NPHS1: variants seen among roughly 807,000 people sequenced by gnomAD.
The protein encoded by NPHS1 is NPHS1 adhesion molecule, nephrin, also known as nephrin.
NPHS1 carries 107 observed loss-of-function variants against 139.7 expected under a neutral mutation model. That is an observed-to-expected ratio of 0.77 (90% CI 0.66 to 0.90). The LOEUF is 0.90. NPHS1 is among the 40% of genes least tolerant of loss of function. The pLI is 0.00. For missense variants in NPHS1, 1,580 were observed against 1,654.2 expected, an observed-to-expected ratio of 0.96 and a Z score of 0.78; for synonymous variants, 707 against 706.6, an observed-to-expected ratio of 1.00 and a Z score of -0.01.
chr19:35,848,294 G>A lies in NPHS1; in HGVS notation c.1274C>T (p.Thr425Ile), dbSNP rs1195657072. 2.2e-5 allele frequency: 35 copies of A among 1,614,018 alleles called. No homozygotes were observed. The Admixed American group carries it at 3.8e-4, about 18-fold the overall frequency. ...LTCEAFSEAFTKETFKKSLIL... is the reference protein window; with the variant it reads ...LTCEAFSEAFIKETFKKSLIL... ...GAGCGACTTCTTGAAGGTCTCCTTG[G>A]TGAAGGCTTCACTGAAGGCCTCACA... The change falls in exon 10 of 29, where the codon ACC (threonine) becomes ATC (isoleucine). Residue 425 changes from threonine to isoleucine, a missense_variant. Thr to Ile is a moderately conservative substitution (Grantham distance 89, BLOSUM62 -1). Coordinates refer to ENST00000378910, the MANE Select transcript of NPHS1 (RefSeq NM_004646.4).
At chr19:35,849,427 C>T in intron 6 of NPHS1, 64 bp from the exon 7 acceptor site, 1 of 1,600,326 alleles carries the variant, frequency 6.2e-7, no homozygotes, top group Admixed American at 1.7e-5. Flanking sequence ...GGCCCCACAA[C>T]CTGCCTTTGA....
chr19:35,851,838 C>T lies in NPHS1; in HGVS notation c.-1G>A, dbSNP rs1973273694. 2 of 1,551,132 alleles carry T rather than the reference C, an allele frequency of 1.3e-6. No individual in the cohort carries two copies. The highest frequency in any genetic ancestry group is 8.7e-7 in the Non-Finnish European group (1 of 1,147,098). Reference sequence around the variant, plus strand: ...CCCTGAGCGTCGTCCCCAGGGCCATCACAGGTCCCCCTACTGTGACCCCCA... The same window carrying T: ...CCCTGAGCGTCGTCCCCAGGGCCATTACAGGTCCCCCTACTGTGACCCCCA... On this transcript the variant is annotated 5_prime_UTR_variant, in exon 1 of 29. Coordinates refer to ENST00000378910, the MANE Select transcript of NPHS1 (RefSeq NM_004646.4).
In NPHS1 at chr19:35,826,468, G is replaced by T. The variant is rs200663197; in HGVS notation, c.*46C>A. On this transcript the variant is annotated 3_prime_UTR_variant, in exon 29 of 29. Coordinates refer to ENST00000378910, the MANE Select transcript of NPHS1 (RefSeq NM_004646.4). ...CAGGCTGTAATGAGAGAGACCAGTGGAGTGTAAATTCCTGCAGGTGCAGGA... is the reference window on the plus strand; with the variant it reads ...CAGGCTGTAATGAGAGAGACCAGTGTAGTGTAAATTCCTGCAGGTGCAGGA... 6 of 1,609,832 alleles carry T rather than the reference G, an allele frequency of 3.7e-6. No homozygotes were observed. The African/African-American group carries it at 8.0e-5, about 21-fold the overall frequency.
Position 35,851,390 on chromosome 19 carries a change from G to A in NPHS1, c.275-6C>T, listed in dbSNP as rs766998264. ...GATGTGCAGGTGGAATTCACCTGCA[G>A]GGGGAGCCGGAAGTCAGGGCCGCAG... On this transcript the variant is annotated splice_polypyrimidine_tract_variant and splice_region_variant and intron_variant, in intron 2 of 28. Transcript: ENST00000378910. 12 of 1,612,702 alleles carry A rather than the reference G, an allele frequency of 7.4e-6. No homozygotes were observed. Among genetic ancestry groups the A allele is most frequent in the Non-Finnish European group, 1.0e-5 (12 of 1,179,612 alleles).
intron 11 of NPHS1, 99 bp from the exon 12 acceptor site, chr19:35,846,293 A>C: frequency 7.8e-7 from 1 of 1,277,464 alleles, no homozygotes; most frequent in Non-Finnish European, 1.1e-6. Flanking sequence ...CGCCAGCCCA[A>C]ACAAAGCCTT....
rs775623457 is a variant in NPHS1 at position 35,839,430 on chromosome 19, G to A, written c.2928-12C>T. 6.2e-7 allele frequency: 1 copy of A among 1,613,914 alleles called. No individual in the cohort carries two copies. The highest frequency in any genetic ancestry group is 1.3e-5 in the African/African-American group (1 of 74,894). On this transcript the variant is annotated splice_polypyrimidine_tract_variant and intron_variant, in intron 21 of 28. Transcript: ENST00000378910. ...CCAGGGCCTCATACCTGCAGGACAG[G>A]GGGATAGTAAATTCAGGGAAGTGCC...
Position 35,845,386 on chromosome 19 carries a change from A to G in NPHS1, c.1912T>C (p.Tyr638His). 6.2e-7 allele frequency: 1 copy of G among 1,614,276 alleles called. No homozygotes were observed. Among genetic ancestry groups the G allele is most frequent in the Non-Finnish European group, 8.5e-7 (1 of 1,180,052 alleles). Residue 638 changes from tyrosine (Y) to histidine (H), a missense_variant, in exon 14 of 29, where the codon TAT (tyrosine) becomes CAT (histidine). Coordinates refer to ENST00000378910, the MANE Select transcript of NPHS1 (RefSeq NM_004646.4). This position sits in a 1 kb window ranked among gnomAD's most constrained non-coding sequence, Gnocchi z 5.5. ...AELRETVSSF[Y>H]RLNVLYRPEF... ...CACATACACAGTACGTTGAGGCGAT[A>G]GAAGGAGCTCACGGTTTCGCGGAGC...
At chr19:35,832,421 A>G (rs1056199904) in intron 23 of NPHS1, among the ~76,000 whole-genome samples, 1 of 152,082 alleles carries the variant, frequency 6.6e-6, no homozygotes, top group Non-Finnish European at 1.5e-5. Context: ...GTGCATGTCT[A>G]TAGTCCCAGC....
chr19:35,826,576 C>T lies in NPHS1; in HGVS notation c.3664G>A (p.Gly1222Arg), dbSNP rs146847658. ...TCGGGTTCCAGAGTGTCCAAGTCTC[C>T]GGCCACCTGGTCATAGATTCCTCTT... Reference protein sequence around the residue: ...DPRGIYDQVAGDLDTLEPDSL... With the variant: ...DPRGIYDQVARDLDTLEPDSL... Residue 1222 changes from glycine (G) to arginine (R), a missense_variant, in exon 29 of 29, where the codon GGA (glycine) becomes AGA (arginine). Transcript: ENST00000378910. The T allele has an allele frequency of 9.3e-6, 15 of 1,613,846 alleles. No homozygotes were observed. Among genetic ancestry groups the T allele is most frequent in the Admixed American group, 5.0e-5 (3 of 59,968 alleles).
chr19:35,827,547 G>A (rs1305292568), intron 28 of NPHS1, among the ~76,000 whole-genome samples: 1 of 152,096 alleles, frequency 6.6e-6, no homozygotes, highest in Non-Finnish European at 1.5e-5. Context: ...TCCCCTCCCC[G>A]ACTAACTGGA....
intron 22 of NPHS1, 133 bp downstream of exon 22, chr19:35,839,104 T>C: frequency 1.2e-6 from 1 of 829,886 alleles, no homozygotes; most frequent in Admixed American, 2.0e-5. Flanking sequence ...ACTAGTTGTG[T>C]GACCTTGGAC....
In NPHS1 at chr19:35,831,430, C is replaced by T. The variant is rs371458382; in HGVS notation, c.3311+46G>A. 5.6e-6 allele frequency: 9 copies of T among 1,613,546 alleles called. No individual in the cohort carries two copies. The African/African-American group carries it at 9.3e-5, about 17-fold the overall frequency. On this transcript the variant is annotated intron_variant, in intron 25 of 28. Transcript: ENST00000378910. ...GCTGCCCCCCGCCACCAGTCTCCCC[C>T]AAACCTCCCTCAGAGCCTTCTTTAC...
At position 35,849,604 on chromosome 19, in the gene NPHS1, A is replaced by T; in HGVS notation, c.658T>A (p.Ser220Thr). 6.2e-7 allele frequency: 1 copy of T among 1,614,112 alleles called. No homozygotes were observed. Among genetic ancestry groups the T allele is most frequent in the Non-Finnish European group, 8.5e-7 (1 of 1,179,996 alleles). The change falls in exon 6 of 29, where the codon TCT becomes ACT. Residue 220 changes from serine (S) to threonine (T), a missense_variant. Physicochemically the swap from Ser to Thr is moderately conservative, Grantham distance 58. Coordinates refer to ENST00000378910, the MANE Select transcript of NPHS1 (RefSeq NM_004646.4). ...DNRQLLVCEA[S>T]SPALEAPIKA... ...ATGGGGGCCTCCAGTGCTGGGCTAG[A>T]CGCCTCACAGACCAGCAACTGCCTA...
At chr19:35,833,616 G>T (rs1020545764) in intron 23 of NPHS1, among the ~76,000 whole-genome samples, 3 of 152,178 alleles carry the variant, frequency 2.0e-5, no homozygotes, top group African/African-American at 7.2e-5. Flanking sequence ...GTTGAGAGAG[G>T]GTGAGAAACA....
Position 35,843,607 on chromosome 19 carries a change from G to A in NPHS1, c.2213-14C>T. On this transcript the variant is annotated splice_polypyrimidine_tract_variant and intron_variant, in intron 16 of 28. Coordinates refer to ENST00000378910, the MANE Select transcript of NPHS1 (RefSeq NM_004646.4). ...TGGTGGGAGCATCTGGTGGAAGGCA[G>A]AGGCTTGGGGAAGACACTTGGGCCC... The A allele has an allele frequency of 4.3e-6, 7 of 1,613,658 alleles. No individual in the cohort carries two copies. Among genetic ancestry groups the A allele is most frequent in the Non-Finnish European group, 5.9e-6 (7 of 1,179,634 alleles).
rs759305846 is a variant in NPHS1, at chr19:35,845,435, C to T, written c.1863G>A (p.Val621=). ...GCTCGGCGCTGTGGGCGCGGCAGGT[C>T]ACGCGCTGGCCATGATCGCGGGATG... ...QVSSRDHGQR[V]TCRAHSAELR... is the part of the protein sequence containing the mutation. The change falls in exon 14 of 29, where the codon GTG becomes GTA. Residue 621 remains valine (V), a synonymous_variant. Coordinates refer to ENST00000378910, the MANE Select transcript of NPHS1 (RefSeq NM_004646.4). The surrounding 1 kb of genome is among the most constrained non-coding windows in gnomAD (Gnocchi z 5.5). 1.2e-5 allele frequency: 19 copies of T among 1,614,068 alleles called. No homozygotes were observed. The African/African-American group carries it at 1.7e-4, about 15-fold the overall frequency.
Position 35,831,394 on chromosome 19 carries a change from G to A in NPHS1, c.3312-23C>T, listed in dbSNP as rs755493354. On this transcript the variant is annotated intron_variant, in intron 25 of 28. Transcript: ENST00000378910. Reference sequence around the variant, plus strand: ...GACCTTCCAGGATGAAGGTGTGGGGGGAAGTTGAGTGCTGCCCCCCGCCAC... The same window carrying A: ...GACCTTCCAGGATGAAGGTGTGGGGAGAAGTTGAGTGCTGCCCCCCGCCAC... 3.1e-6 allele frequency: 5 copies of A among 1,613,616 alleles called. No individual in the cohort carries two copies. In the East Asian group the frequency reaches 8.9e-5, roughly 29 times the overall value.
At chr19:35,830,797 T>C in intron 28 of NPHS1, 47 bp downstream of exon 28, 3 of 1,190,098 alleles carry the variant, frequency 2.5e-6, no homozygotes, top group Non-Finnish European at 3.8e-6. Flanking sequence ...GGAGGTAGGC[T>C]CCCAGCACTA....
chr19:35,848,479 A>G (rs1270661304), intron 9 of NPHS1, 82 bp from the exon 10 acceptor site: 18 of 1,600,924 alleles, frequency 1.1e-5, no homozygotes, highest in Non-Finnish European at 1.5e-5. Flanking sequence ...CCCAGTCCCC[A>G]GCAGGGACAC....
Sources: gnomAD v4.1 joint callset for allele counts (sites outside exome capture counted in the v4.1 genomes callset) on GRCh38, gnomAD v4.1.1 for gene constraint, Gnocchi (gnomAD v3.1) non-coding constraint, MANE v1.5 for transcripts, NCBI Gene and HGNC (gene_info 2026-07-23, HGNC 2026-07-21) for gene names.